The following NUDT3 variants were observed in gnomAD, a reference collection of about 807,000 sequenced individuals.
NUDT3 encodes diphosphoinositol polyphosphate phosphohydrolase 1.
Under a neutral mutation model 23.6 loss-of-function variants are expected in NUDT3, and 9 were observed. That is an observed-to-expected ratio of 0.38 (90% confidence interval 0.23 to 0.66). The LOEUF (loss-of-function observed/expected upper bound fraction) is 0.66. NUDT3 is among the 30% of genes least tolerant of loss of function. The pLI is 0.52. For missense variants in NUDT3, 172 were observed against 218.5 expected, an observed-to-expected ratio of 0.79 and a Z score of 1.34; for synonymous variants, 86 against 82.6, an observed-to-expected ratio of 1.04 and a Z score of -0.22.
In NUDT3 at chr6:34,287,524, AT is replaced by A. The variant is rs1763351457; in HGVS notation, c.*1228del. On this transcript the variant is annotated 3_prime_UTR_variant, in exon 5 of 5. Transcript: ENST00000607016. ...TATCCTGGTGGGAGATGGGAGACCAATTTAATAGCTCTGAGCATGCTCCATG... is the reference window on the plus strand; with the variant it reads ...TATCCTGGTGGGAGATGGGAGACCAATTAATAGCTCTGAGCATGCTCCATG... 2 of 152,204 alleles carry A rather than the reference AT, an allele frequency of 1.3e-5. No individual in the cohort carries two copies. Among genetic ancestry groups the A allele is most frequent in the Non-Finnish European group, 2.9e-5 (2 of 68,038 alleles). 9.4% of individuals were successfully genotyped at this position (152,204 alleles called of 1,614,324 possible). A position where few individuals can be genotyped will look rare whatever the true frequency, so the allele number is the denominator to read the frequency against.
At chr6:34,374,855 T>C (rs1421148678) in intron 1 of NUDT3, among the ~76,000 whole-genome samples, 1 of 152,206 alleles carries the variant, frequency 6.6e-6, no homozygotes, top group Non-Finnish European at 1.5e-5. Flanking sequence ...ATTCCCATTT[T>C]ACAAATAAAA....
At chr6:34,344,547 A>T (rs909629653) in intron 1 of NUDT3, among the ~76,000 whole-genome samples, 1 of 152,250 alleles carries the variant, frequency 6.6e-6, no homozygotes, top group Non-Finnish European at 1.5e-5. Context: ...AACTGGGGGA[A>T]GGGGAAAATG....
chr6:34,350,021 G>A (rs1476117246), intron 1 of NUDT3, among the ~76,000 whole-genome samples: 7 of 150,202 alleles, frequency 4.7e-5, no homozygotes, highest in Non-Finnish European at 1.5e-5. Context: ...TCCGGGGGGT[G>A]GAGCTTGCAG....
chr6:34,282,014 C>T lies in NUDT3; in HGVS notation c.*6739G>A, dbSNP rs574509169. 3.3e-5 allele frequency: 5 copies of T among 152,314 alleles called. No homozygotes were observed. The East Asian group carries it at 7.7e-4, about 23-fold the overall frequency. 9.4% of individuals were successfully genotyped at this position (152,314 alleles called of 1,614,324 possible). Reference sequence around the variant, plus strand: ...TAACTTCCGATCTGGGGAGGTTCTACGTGGAGCAGACCTATCCCTTCTTAT... The same window carrying T: ...TAACTTCCGATCTGGGGAGGTTCTATGTGGAGCAGACCTATCCCTTCTTAT... On this transcript the variant is annotated 3_prime_UTR_variant, in exon 5 of 5. Transcript: ENST00000607016.
intron 1 of NUDT3, among the ~76,000 whole-genome samples, chr6:34,369,726 A>G (rs1310436503): frequency 6.6e-6 from 1 of 152,184 alleles, no homozygotes; most frequent in East Asian, 1.9e-4. Flanking sequence ...AGATTTTTTA[A>G]AATTCTACTG....
Position 34,293,524 on chromosome 6 carries a change from C to T in NUDT3, c.267G>A (p.Arg89=), listed in dbSNP as rs1445118176. Reference sequence around the variant, plus strand: ...GCACATAGACATACGTCCTGTGCTTCCTCTCCTGGTTCTGAAGGGCAAAGA... The same window carrying T: ...GCACATAGACATACGTCCTGTGCTTTCTCTCCTGGTTCTGAAGGGCAAAGA... The part of the protein sequence containing the change: ...RLVGIFENQE[R]KHRTYVYVLI... The change falls in exon 4 of 5, where the codon AGG becomes AGA. Residue 89 remains arginine (R), a synonymous_variant. Coordinates refer to ENST00000607016, the MANE Select transcript of NUDT3 (RefSeq NM_006703.4). 1 of 1,614,036 alleles carries T rather than the reference C, an allele frequency of 6.2e-7. No homozygotes were observed. The highest frequency in any genetic ancestry group is 1.3e-5 in the African/African-American group (1 of 74,928).
intron 1 of NUDT3, among the ~76,000 whole-genome samples, chr6:34,345,124 C>T (rs1764344821): frequency 6.6e-6 from 1 of 151,894 alleles, no homozygotes; most frequent in Non-Finnish European, 1.5e-5. Context: ...CTTTGGCTCA[C>T]TGCAATCTCT....
chr6:34,323,136 G>T (rs942394611), intron 2 of NUDT3, among the ~76,000 whole-genome samples: 2 of 152,054 alleles, frequency 1.3e-5, no homozygotes, highest in Admixed American at 6.6e-5. Flanking sequence ...AACCCATCAG[G>T]TATTATGTTT....
Position 34,280,170 on chromosome 6 carries a change from T to G in NUDT3, c.*8583A>C, listed in dbSNP as rs1763265221. The G allele has an allele frequency of 6.6e-6, 1 of 152,186 alleles. No individual in the cohort carries two copies. Among genetic ancestry groups the G allele is most frequent in the Non-Finnish European group, 1.5e-5 (1 of 68,036 alleles). 9.4% of individuals were successfully genotyped at this position (152,186 alleles called of 1,614,324 possible). A position where few individuals can be genotyped will look rare whatever the true frequency, so the allele number is the denominator to read the frequency against. ...CCTCGAGAAAAGGAAACAGGAAAAC[T>G]ATTTCCTTCCGCCTTCTCTGGACCA... On this transcript the variant is annotated 3_prime_UTR_variant, in exon 5 of 5. Transcript: ENST00000607016.
chr6:34,302,185 T>C (rs1468178064), intron 2 of NUDT3, among the ~76,000 whole-genome samples: 4 of 150,242 alleles, frequency 2.7e-5, no homozygotes, highest in African/African-American at 9.8e-5. Context: ...GCACGTGCCA[T>C]CACAACTGGC....
Position 34,284,838 on chromosome 6 carries a change from TA to T in NUDT3, c.*3914del, listed in dbSNP as rs1271972172. 6.6e-6 allele frequency: 1 copy of T among 152,212 alleles called. No homozygotes were observed. The highest frequency in any genetic ancestry group is 6.5e-5 in the Admixed American group (1 of 15,276). The allele number at this position is 152,212 out of a possible 1,614,324, so 9.4% of individuals were successfully genotyped here. Reference sequence around the variant, plus strand: ...GAGAGGCATTACATGGGCTGGCTCCTAATATCAAAACAAAATATTTCTTTGC... The same window carrying T: ...GAGAGGCATTACATGGGCTGGCTCCTATATCAAAACAAAATATTTCTTTGC... On this transcript the variant is annotated 3_prime_UTR_variant, in exon 5 of 5. Coordinates refer to ENST00000607016, the MANE Select transcript of NUDT3 (RefSeq NM_006703.4).
At chr6:34,356,757 G>A (rs905779697) in intron 1 of NUDT3, among the ~76,000 whole-genome samples, 1 of 152,026 alleles carries the variant, frequency 6.6e-6, no homozygotes, top group African/African-American at 2.4e-5. Context: ...TTATTTTTAG[G>A]TATAATTATG....
intron 1 of NUDT3, among the ~76,000 whole-genome samples, chr6:34,381,841 G>A (rs1471151932): frequency 5.3e-5 from 8 of 151,822 alleles, no homozygotes; most frequent in East Asian, 1.9e-4. Flanking sequence ...TTGGGAGGCC[G>A]AGGCAGGCAG....
chr6:34,384,758 G>A (rs943222209), intron 1 of NUDT3, among the ~76,000 whole-genome samples: 14 of 152,254 alleles, frequency 9.2e-5, no homozygotes, highest in Non-Finnish European at 1.6e-4. Flanking sequence ...TAGGTTGGGC[G>A]TGGTGTCTCA....
At chr6:34,325,940 T>G (rs1764020663) in intron 2 of NUDT3, among the ~76,000 whole-genome samples, 1 of 152,216 alleles carries the variant, frequency 6.6e-6, no homozygotes, top group Non-Finnish European at 1.5e-5. Context: ...CTGGTATATA[T>G]ATAATAAGTA....
intron 2 of NUDT3, among the ~76,000 whole-genome samples, chr6:34,336,698 CT>C (rs1764214129): frequency 6.6e-6 from 1 of 151,582 alleles, no homozygotes; most frequent in African/African-American, 2.4e-5. Context: ...TTTCACAAGA[CT>C]TTTTTTCATT....
chr6:34,391,696 T>G lies in NUDT3; in HGVS notation c.99+568A>C, dbSNP rs116088212. On this transcript the variant is annotated intron_variant, in intron 1 of 4. Coordinates refer to ENST00000607016, the MANE Select transcript of NUDT3 (RefSeq NM_006703.4). ...AAAGGCTACCCAGCGCACTGTAAAATAAACAGCTGGCTATGGCTTATGCAC... is the reference window on the plus strand; with the variant it reads ...AAAGGCTACCCAGCGCACTGTAAAAGAAACAGCTGGCTATGGCTTATGCAC... Among the ~76,000 whole-genome samples, 1,214 of 152,174 alleles carry G rather than the reference T, an allele frequency of 8.0e-3. 13 individuals carry two copies. The highest frequency in any genetic ancestry group is 0.024 in the Middle Eastern group (7 of 294).
At chr6:34,363,187 C>G (rs578217889) in intron 1 of NUDT3, among the ~76,000 whole-genome samples, 1 of 152,150 alleles carries the variant, frequency 6.6e-6, no homozygotes, top group Admixed American at 6.5e-5. Context: ...GGTTTATGAA[C>G]TGAGAGGTTG....
chr6:34,288,840 C>T lies in NUDT3; in HGVS notation c.432G>A (p.Arg144=). Residue 144 remains arginine (R), a synonymous_variant, in exon 5 of 5, where the codon AGG becomes AGA. Transcript: ENST00000607016. ...PVQASYFETL[R]QGYSANNGTP... ...TGCCATTGTTGGCTGAGTAGCCTTG[C>T]CTCAATGTTTCAAAATATGATGCCT... is the stretch of plus-strand genomic sequence containing the variant. The T allele has an allele frequency of 6.2e-7, 1 of 1,614,086 alleles. No homozygotes were observed. Among genetic ancestry groups the T allele is most frequent in the Non-Finnish European group, 8.5e-7 (1 of 1,180,018 alleles).
Sources: gnomAD v4.1 joint callset for allele counts (sites outside exome capture counted in the v4.1 genomes callset) on GRCh38, gnomAD v4.1.1 for gene constraint, MANE v1.5 for transcripts, NCBI Gene and HGNC (gene_info 2026-07-23, HGNC 2026-07-21) for gene names.